The following ADAMTS9 variants were observed in gnomAD, a reference collection of about 807,000 sequenced individuals.
The protein encoded by ADAMTS9 is ADAM metallopeptidase with thrombospondin type 1 motif 9.
In ADAMTS9, 107 loss-of-function variants were observed where a neutral mutation model predicts 257.1. That is an observed-to-expected ratio of 0.42 (90% CI 0.36 to 0.49). The LOEUF is 0.49. Among genes scored for constraint, ADAMTS9 ranks in the 20% least tolerant of loss-of-function variants. ADAMTS9 has a pLI of 0.03. For synonymous variants in ADAMTS9, 982 were observed against 880.9 expected, an observed-to-expected ratio of 1.11 and a Z score of -2.03; for missense variants, 2,353 against 2,469.1, an observed-to-expected ratio of 0.95 and a Z score of 1.00.
At position 64,686,092 on chromosome 3, in the gene ADAMTS9, C is replaced by T. The variant is rs1701897826; in HGVS notation, c.516+476G>A. Among the ~76,000 whole-genome samples, 1 of 152,228 alleles carries T rather than the reference C, an allele frequency of 6.6e-6. No homozygotes were observed. The highest frequency in any genetic ancestry group is 2.4e-5 in the African/African-American group (1 of 41,474). On this transcript the variant is annotated intron_variant, in intron 2 of 39. Transcript: ENST00000498707. The surrounding 1 kb of genome is among the most constrained non-coding windows in gnomAD (Gnocchi z 4.6). ...CGGGGACTCTAGATTACGCACCGCC[C>T]TCCACAACACACACTGAAGGAACTC...
intron 32 of ADAMTS9, among the ~76,000 whole-genome samples, chr3:64,545,624 G>A (rs2083187205): frequency 6.6e-6 from 1 of 152,094 alleles, no homozygotes; most frequent in South Asian, 2.1e-4. Flanking sequence ...TGGGGGCAGG[G>A]GGACGGATAG....
intron 28 of ADAMTS9, among the ~76,000 whole-genome samples, chr3:64,590,300 G>A (rs1055141751): frequency 3.3e-5 from 5 of 152,174 alleles, no homozygotes; most frequent in Non-Finnish European, 4.4e-5. Context: ...GGGAGGGGTT[G>A]TACAGGTTGG....
chr3:64,602,866 T>C (rs1309506201), intron 25 of ADAMTS9, among the ~76,000 whole-genome samples: 2 of 152,206 alleles, frequency 1.3e-5, no homozygotes, highest in East Asian at 1.9e-4. Flanking sequence ...GGATCATCCA[T>C]TGGAATAATC....
At chr3:64,665,404 C>A (rs917952728) in intron 3 of ADAMTS9, among the ~76,000 whole-genome samples, 1 of 152,170 alleles carries the variant, frequency 6.6e-6, no homozygotes, top group Admixed American at 6.5e-5. Flanking sequence ...CTCCCACTTA[C>A]AATGTGGAGT....
At chr3:64,559,900 T>C (rs1242150521) in intron 30 of ADAMTS9, among the ~76,000 whole-genome samples, 1 of 152,186 alleles carries the variant, frequency 6.6e-6, no homozygotes, top group African/African-American at 2.4e-5. Flanking sequence ...GGGTTGAGTT[T>C]AGCGTGACAC....
chr3:64,524,689 A>AT (rs1027186975), intron 38 of ADAMTS9, among the ~76,000 whole-genome samples: 5 of 152,200 alleles, frequency 3.3e-5, no homozygotes, highest in Non-Finnish European at 7.3e-5. Context: ...TATACCATTG[A>AT]TTTTGCCTCT....
chr3:64,614,747 G>T, intron 21 of ADAMTS9: 1 of 152,350 alleles, frequency 6.6e-6, no homozygotes, highest in Non-Finnish European at 1.5e-5. Flanking sequence ...GGGACCATCT[G>T]TGCTAAGCAA....
chr3:64,615,241 G>A (rs1056961315), intron 21 of ADAMTS9, 80 bp downstream of exon 21: 3 of 1,490,394 alleles, frequency 2.0e-6, no homozygotes, highest in East Asian at 2.3e-5. Context: ...GTGCACAAGG[G>A]TTTGTCTTAA....
intron 38 of ADAMTS9, among the ~76,000 whole-genome samples, chr3:64,528,161 G>A (rs1001674638): frequency 1.3e-5 from 2 of 152,060 alleles, no homozygotes; most frequent in African/African-American, 4.8e-5. Flanking sequence ...CCCCGTAAGC[G>A]CCTCTCACAC....
chr3:64,548,596 T>TC (rs1553701864), intron 31 of ADAMTS9, among the ~76,000 whole-genome samples: 1 of 150,586 alleles, frequency 6.6e-6, no homozygotes, highest in Non-Finnish European at 1.5e-5. Flanking sequence ...GCTATTTATG[T>TC]GGGGGGGAGC....
chr3:64,521,143 G>C (rs542531842), intron 39 of ADAMTS9, among the ~76,000 whole-genome samples: 47 of 151,976 alleles, frequency 3.1e-4, no homozygotes, highest in Non-Finnish European at 6.0e-4. Flanking sequence ...AAAGGACATG[G>C]ACAGACACTT....
At chr3:64,650,728 A>G (rs904573315) in intron 9 of ADAMTS9, 25 of 313,300 alleles carry the variant, frequency 8.0e-5, no homozygotes, top group Middle Eastern at 8.5e-4. Flanking sequence ...CCCTCTCCCA[A>G]TGTCTGAACA....
chr3:64,558,997 A>G (rs1484647763), intron 30 of ADAMTS9, among the ~76,000 whole-genome samples: 1 of 152,094 alleles, frequency 6.6e-6, no homozygotes, highest in Non-Finnish European at 1.5e-5. Flanking sequence ...AGGCGGTGGC[A>G]GCAAGATCGG....
chr3:64,654,591 G>T lies in ADAMTS9; in HGVS notation c.1191C>A (p.His397Gln), dbSNP rs773942814. ...ACTCACCTAAGGTATCACATTTGTCGTGAGCTCTGCAGATATCCTGTCTGA... is the reference window on the plus strand; with the variant it reads ...ACTCACCTAAGGTATCACATTTGTCTTGAGCTCTGCAGATATCCTGTCTGA... ...LLTRQDICRA[H>Q]DKCDTLGLAE... is the part of the protein sequence containing the mutation. The change falls in exon 7 of 40, where the codon CAC (histidine) becomes CAA (glutamine). Residue 397 changes from histidine (H) to glutamine (Q), a missense_variant. Transcript: ENST00000498707. 2.4e-5 allele frequency: 39 copies of T among 1,614,052 alleles called. No homozygotes were observed. The highest frequency in any genetic ancestry group is 3.2e-5 in the Non-Finnish European group (38 of 1,180,020).
intron 37 of ADAMTS9, among the ~76,000 whole-genome samples, chr3:64,538,487 A>T (rs1267987671): frequency 1.3e-5 from 2 of 152,182 alleles, no homozygotes; most frequent in Non-Finnish European, 2.9e-5. Context: ...TTAAAAAAAA[A>T]AAAACCTTAC....
intron 28 of ADAMTS9, among the ~76,000 whole-genome samples, chr3:64,574,572 A>AAG (rs913111767): frequency 4.6e-5 from 7 of 151,658 alleles, no homozygotes; most frequent in Non-Finnish European, 7.4e-5. Flanking sequence ...AAAAAAAAAA[A>AAG]AAAAAGAAAA....
chr3:64,635,306 T>G (rs1275572319), intron 12 of ADAMTS9, among the ~76,000 whole-genome samples: 1 of 152,214 alleles, frequency 6.6e-6, no homozygotes, highest in African/African-American at 2.4e-5. Flanking sequence ...GGTGACTTTG[T>G]GTAAGCTGTC....
In ADAMTS9 at chr3:64,613,525, G is replaced by T. The variant is rs759495151; in HGVS notation, c.3190-16C>A. The T allele has an allele frequency of 3.1e-6, 5 of 1,609,152 alleles. No homozygotes were observed. The highest frequency in any genetic ancestry group is 4.2e-6 in the Non-Finnish European group (5 of 1,177,814). On this transcript the variant is annotated splice_polypyrimidine_tract_variant and intron_variant, in intron 21 of 39. Coordinates refer to ENST00000498707, the MANE Select transcript of ADAMTS9 (RefSeq NM_182920.2). ...TGACCAAGCACTGTAATGAAAAGCG[G>T]AGCTAGTCAGGGTCATTTCTGATCA...
At chr3:64,538,009 G>A (rs1454836705) in intron 37 of ADAMTS9, among the ~76,000 whole-genome samples, 3 of 152,216 alleles carry the variant, frequency 2.0e-5, no homozygotes, top group Non-Finnish European at 4.4e-5. Flanking sequence ...TTGCTGCTGA[G>A]TGGCTCCGCT....
Sources: allele counts gnomAD v4.1 joint callset (sites outside exome capture counted in the v4.1 genomes callset), GRCh38; gene constraint gnomAD v4.1.1; non-coding constraint Gnocchi (gnomAD v3.1); transcripts MANE v1.5; gene names NCBI Gene and HGNC (gene_info 2026-07-23, HGNC 2026-07-21).